FAM210A: variants seen among roughly 807,000 people sequenced by gnomAD.
The protein encoded by FAM210A is mitochondrial inner membrane scaffold 1.
Under a neutral mutation model 25.3 loss-of-function variants are expected in FAM210A, and 13 were observed. The ratio of observed to expected loss-of-function variants is 0.51; its 90% confidence interval spans 0.33 to 0.82. The LOEUF is 0.82. Among genes scored for constraint, FAM210A ranks in the 40% least tolerant of loss-of-function variants. The pLI, the probability that FAM210A is intolerant of heterozygous loss-of-function variation, is 0.02. For missense variants in FAM210A, 319 were observed against 323.2 expected, an observed-to-expected ratio of 0.99 and a Z score of 0.10; for synonymous variants, 125 against 118.7, an observed-to-expected ratio of 1.05 and a Z score of -0.35.
At chr18:13,714,859 CTCT>C (rs1427295270) in intron 1 of FAM210A, among the ~76,000 whole-genome samples, 5 of 152,114 alleles carry the variant, frequency 3.3e-5, no homozygotes, top group African/African-American at 1.2e-4. Context: ...TTTGGTTATT[CTCT>C]TACTCTTAGA....
At chr18:13,689,324 G>A (rs1477543958) in intron 1 of FAM210A, among the ~76,000 whole-genome samples, 1 of 152,088 alleles carries the variant, frequency 6.6e-6, no homozygotes, top group African/African-American at 2.4e-5. Context: ...ACCTACCTCA[G>A]TCACTCATTT....
chr18:13,705,736 TGCCAGGATTACA>T (rs2043773356), intron 1 of FAM210A, among the ~76,000 whole-genome samples: 1 of 152,190 alleles, frequency 6.6e-6, no homozygotes, highest in Admixed American at 6.5e-5. Context: ...CTTCTCGAAG[TGCCAGGATTACA>T]GGCATGAGAC....
intron 3 of FAM210A, among the ~76,000 whole-genome samples, chr18:13,666,921 C>G (rs187449927): frequency 7.2e-5 from 11 of 152,272 alleles, no homozygotes; most frequent in Admixed American, 3.3e-4. Context: ...AATGTTTGTC[C>G]TCTACACAAT....
chr18:13,680,347 A>G (rs1479425462), intron 2 of FAM210A, among the ~76,000 whole-genome samples: 1 of 152,250 alleles, frequency 6.6e-6, no homozygotes, highest in Non-Finnish European at 1.5e-5. Flanking sequence ...ATATACACCT[A>G]AAGAATCTTC....
chr18:13,708,320 C>G (rs1451814591), intron 1 of FAM210A, among the ~76,000 whole-genome samples: 1 of 152,194 alleles, frequency 6.6e-6, no homozygotes, highest in Non-Finnish European at 1.5e-5. Context: ...TCTGGGTGTG[C>G]CACCCTTTCG....
chr18:13,698,351 CAA>C (rs11464991), intron 1 of FAM210A, among the ~76,000 whole-genome samples: 1,286 of 72,822 alleles, frequency 0.018, 8 homozygotes, highest in African/African-American at 0.066. Context: ...GACTCCATCT[CAA>C]AAAAAAAAAA....
In FAM210A at chr18:13,664,138, C is replaced by T. The variant is rs896867069; in HGVS notation, c.*2342G>A. Reference sequence around the variant, plus strand: ...GTAACATTCCTGGTGCCAAGTAATACAACAGAGCTTCTCACATCTTCAGAG... The same window carrying T: ...GTAACATTCCTGGTGCCAAGTAATATAACAGAGCTTCTCACATCTTCAGAG... On this transcript the variant is annotated 3_prime_UTR_variant, in exon 4 of 4. Coordinates refer to ENST00000651643, the MANE Select transcript of FAM210A (RefSeq NM_152352.4). 1 of 152,200 alleles carries T rather than the reference C, an allele frequency of 6.6e-6. No individual in the cohort carries two copies. Among genetic ancestry groups the T allele is most frequent in the Non-Finnish European group, 1.5e-5 (1 of 68,030 alleles). 9.4% of individuals were successfully genotyped at this position (152,200 alleles called of 1,614,324 possible).
At chr18:13,686,858 A>G (rs2043601834) in intron 1 of FAM210A, among the ~76,000 whole-genome samples, 1 of 152,250 alleles carries the variant, frequency 6.6e-6, no homozygotes, top group Non-Finnish European at 1.5e-5. Flanking sequence ...ACATTTAAGG[A>G]AAAAATAATA....
At chr18:13,713,164 T>C (rs1221463910) in intron 1 of FAM210A, among the ~76,000 whole-genome samples, 1 of 152,222 alleles carries the variant, frequency 6.6e-6, no homozygotes, top group African/African-American at 2.4e-5. Flanking sequence ...CAATAAAAAA[T>C]TTAACTTTTT....
chr18:13,685,682 C>A (rs1622600), intron 1 of FAM210A, among the ~76,000 whole-genome samples: 5,186 of 152,250 alleles, frequency 0.034, 287 homozygotes, highest in African/African-American at 0.12. Context: ...CCTACATATA[C>A]TGACTGATGT....
intron 3 of FAM210A, among the ~76,000 whole-genome samples, chr18:13,670,101 C>T (rs1333476423): frequency 6.6e-6 from 1 of 152,076 alleles, no homozygotes; most frequent in Non-Finnish European, 1.5e-5. Context: ...ATTTTATTCA[C>T]CTACAGAACA....
At chr18:13,709,691 G>GT (rs1220130322) in intron 1 of FAM210A, among the ~76,000 whole-genome samples, 14 of 152,100 alleles carry the variant, frequency 9.2e-5, no homozygotes, top group South Asian at 2.1e-4. Context: ...CTTTTTCACT[G>GT]TTTTTTTCAT....
At chr18:13,667,334 G>A (rs554935553) in intron 3 of FAM210A, among the ~76,000 whole-genome samples, 4 of 152,306 alleles carry the variant, frequency 2.6e-5, no homozygotes, top group African/African-American at 4.8e-5. Context: ...CAGGTTTAAC[G>A]TTAATTGGAA....
intron 1 of FAM210A, among the ~76,000 whole-genome samples, chr18:13,722,249 T>C (rs2043903006): frequency 6.6e-6 from 1 of 151,598 alleles, no homozygotes; most frequent in South Asian, 2.1e-4. Flanking sequence ...CTGTCCCCCA[T>C]GATGGCAACA....
rs532026126 is a variant in FAM210A, at chr18:13,686,066, G to A, written c.-28-3961C>T. Among the ~76,000 whole-genome samples the A allele has an allele frequency of 6.6e-5, 10 of 152,082 alleles. 1 individual carries two copies. In the South Asian group the frequency reaches 2.1e-3, roughly 32 times the overall value. Reference sequence around the variant, plus strand: ...AATGAATAAAATTCATAAATCTCTAGCCAAGATAAACTAAGAGAGAAAACA... The same window carrying A: ...AATGAATAAAATTCATAAATCTCTAACCAAGATAAACTAAGAGAGAAAACA... On this transcript the variant is annotated intron_variant, in intron 1 of 3. Coordinates refer to ENST00000651643, the MANE Select transcript of FAM210A (RefSeq NM_152352.4).
At chr18:13,722,451 G>A (rs918078066) in intron 1 of FAM210A, among the ~76,000 whole-genome samples, 7 of 152,104 alleles carry the variant, frequency 4.6e-5, no homozygotes, top group Non-Finnish European at 8.8e-5. Context: ...ACTACCTCAA[G>A]GGAGGTCATT....
At chr18:13,696,389 A>T (rs1366461263) in intron 1 of FAM210A, among the ~76,000 whole-genome samples, 1 of 152,238 alleles carries the variant, frequency 6.6e-6, no homozygotes, top group Non-Finnish European at 1.5e-5. Flanking sequence ...CTAAAAAAAC[A>T]TCTACAACTC....
chr18:13,704,012 G>A (rs145112856), intron 1 of FAM210A, among the ~76,000 whole-genome samples: 1 of 152,134 alleles, frequency 6.6e-6, no homozygotes, highest in Non-Finnish European at 1.5e-5. Context: ...AAAATAACTA[G>A]TTGTTTAAAA....
At chr18:13,700,950 T>G (rs1260425525) in intron 1 of FAM210A, among the ~76,000 whole-genome samples, 1 of 152,210 alleles carries the variant, frequency 6.6e-6, no homozygotes, top group Non-Finnish European at 1.5e-5. Context: ...ATCATTTCCC[T>G]TTTTTTGTCT....
Sources: allele counts gnomAD v4.1 joint callset (sites outside exome capture counted in the v4.1 genomes callset), GRCh38; gene constraint gnomAD v4.1.1; transcripts MANE v1.5; gene names NCBI Gene and HGNC (gene_info 2026-07-23, HGNC 2026-07-21).